Variants in CTNNA3 observed in about 807,000 individuals in gnomAD.
CTNNA3 encodes the protein catenin alpha 3, also known as catenin alpha-3.
CTNNA3 carries 76 observed loss-of-function variants against 95.7 expected under a neutral mutation model. The observed-to-expected ratio is 0.79, with a 90% CI of 0.66 to 0.96. CTNNA3 has a LOEUF of 0.96. Among genes scored for constraint, CTNNA3 ranks in the 40% least tolerant of loss-of-function variants. The pLI is 0.00. For missense variants in CTNNA3, 1,191 were observed against 1,089.8 expected (o/e 1.09, Z -1.31); for synonymous variants, 431 against 374.4 (o/e 1.15, Z -1.74).
chr10:66,575,783 G>C (rs144963295), intron 10 of CTNNA3, among the ~76,000 whole-genome samples: 1 of 152,026 alleles, frequency 6.6e-6, no homozygotes, highest in African/African-American at 2.4e-5. Flanking sequence ...CAACATAACC[G>C]GTACATGGTT....
intron 7 of CTNNA3, among the ~76,000 whole-genome samples, chr10:66,947,111 A>C (rs1244743671): frequency 6.6e-6 from 1 of 152,066 alleles, no homozygotes; most frequent in Non-Finnish European, 1.5e-5. Context: ...TCAACTTAGA[A>C]AGCCAGCCCT....
At chr10:66,072,272 C>T (rs1011874552) in intron 14 of CTNNA3, among the ~76,000 whole-genome samples, 1 of 152,190 alleles carries the variant, frequency 6.6e-6, no homozygotes, top group Non-Finnish European at 1.5e-5. Context: ...TGTACAAAAG[C>T]AGGCAGCAGG....
intron 7 of CTNNA3, among the ~76,000 whole-genome samples, chr10:67,175,886 T>C (rs1287334995): frequency 1.3e-5 from 2 of 152,132 alleles, no homozygotes; most frequent in South Asian, 2.1e-4. Context: ...TAAAAATAAT[T>C]GATTTCCTGA....
chr10:67,472,188 A>T (rs1234935571), intron 5 of CTNNA3, among the ~76,000 whole-genome samples: 3 of 152,232 alleles, frequency 2.0e-5, no homozygotes, highest in African/African-American at 7.2e-5. Context: ...ACAGCAGCCT[A>T]CACTCCAGCC....
chr10:66,201,951 G>T (rs550966033), intron 13 of CTNNA3, among the ~76,000 whole-genome samples: 1 of 151,822 alleles, frequency 6.6e-6, no homozygotes, highest in African/African-American at 2.4e-5. Context: ...ACCATGCCTG[G>T]CTAACTTGTA....
In CTNNA3 at chr10:66,880,768, C is replaced by A. The variant is rs1844818427; in HGVS notation, c.1048-105244G>T. Among the ~76,000 whole-genome samples the A allele has an allele frequency of 2.0e-5, 3 of 151,976 alleles. No individual in the cohort carries two copies. In the South Asian group the frequency reaches 6.2e-4, roughly 32 times the overall value. On this transcript the variant is annotated intron_variant, in intron 7 of 17. Transcript: ENST00000433211. ...AAGTCTTTGACAAAATTCAGAATTT[C>A]TTTTGCTCATAGCAAATGGCAGCCG...
chr10:66,173,538 C>A (rs1222102559), intron 13 of CTNNA3, among the ~76,000 whole-genome samples: 1 of 151,820 alleles, frequency 6.6e-6, no homozygotes, highest in Non-Finnish European at 1.5e-5. Context: ...AAAAAATTAG[C>A]CAGGCATGGT....
rs1404682914 is a variant in CTNNA3, at chr10:67,219,626, C to A, written c.824G>T (p.Ser275Ile). The change falls in exon 6 of 18, where the codon AGT (serine) becomes ATT (isoleucine). Residue 275 changes from serine (S) to isoleucine (I), a missense_variant. Transcript: ENST00000433211. ...ACTTACCTCCAGCTCATCAAGGGCA[C>A]TTCCCAGGGTTGCTGCCTGAGGTTC... Reference protein sequence around the residue: ...PPEPQAATLGSALDELENLIV... With the variant: ...PPEPQAATLGIALDELENLIV... 6.2e-7 allele frequency: 1 copy of A among 1,613,140 alleles called. No individual in the cohort carries two copies. The highest frequency in any genetic ancestry group is 8.5e-7 in the Non-Finnish European group (1 of 1,179,410).
chr10:67,381,775 A>G (rs1398628770), intron 5 of CTNNA3, among the ~76,000 whole-genome samples: 5 of 152,222 alleles, frequency 3.3e-5, no homozygotes, highest in Non-Finnish European at 5.9e-5. Flanking sequence ...AGTTCTTTCT[A>G]GAATTGAAAA....
intron 7 of CTNNA3, among the ~76,000 whole-genome samples, chr10:67,017,629 G>A (rs1852736482): frequency 6.6e-6 from 1 of 152,060 alleles, no homozygotes. Context: ...TAGTTCTAAT[G>A]TTTGGAAGTG....
intron 7 of CTNNA3, among the ~76,000 whole-genome samples, chr10:67,151,995 T>C (rs776835683): frequency 3.9e-5 from 6 of 152,234 alleles, no homozygotes; most frequent in East Asian, 1.9e-4. Flanking sequence ...TAGTTGACAA[T>C]TGTTGTTTTC....
intron 7 of CTNNA3, among the ~76,000 whole-genome samples, chr10:66,867,365 T>C (rs142904154): frequency 6.6e-6 from 1 of 152,186 alleles, no homozygotes; most frequent in African/African-American, 2.4e-5. Context: ...TCACAGAAAG[T>C]TATTAATTGA....
chr10:66,958,470 T>TCA, intron 7 of CTNNA3, among the ~76,000 whole-genome samples: 1 of 149,702 alleles, frequency 6.7e-6, no homozygotes, highest in Admixed American at 6.6e-5. Context: ...CTTTTTTTTT[T>TCA]AAAAAAAATA....
Position 66,940,064 on chromosome 10 carries a change from G to GT in CTNNA3, c.1048-164541dup, listed in dbSNP as rs1418907292. ...GAGGAACAGTAAAATAAGTAGTTAG[G>GT]TTTTGTGTTTGTTTTTGCTTTCAGT... On this transcript the variant is annotated intron_variant, in intron 7 of 17. Coordinates refer to ENST00000433211, the MANE Select transcript of CTNNA3 (RefSeq NM_013266.4). Among the ~76,000 whole-genome samples the GT allele has an allele frequency of 1.6e-4, 24 of 152,098 alleles. 1 individual carries two copies. The highest frequency in any genetic ancestry group is 5.9e-4 in the Admixed American group (9 of 15,276).
At chr10:66,409,649 C>T (rs2093086802) in intron 11 of CTNNA3, among the ~76,000 whole-genome samples, 1 of 152,220 alleles carries the variant, frequency 6.6e-6, no homozygotes, top group African/African-American at 2.4e-5. Flanking sequence ...GAGACCATAA[C>T]TATACAATAG....
chr10:66,935,182 A>G (rs778966299), intron 7 of CTNNA3, among the ~76,000 whole-genome samples: 19 of 152,168 alleles, frequency 1.2e-4, no homozygotes, highest in Admixed American at 3.3e-4. Flanking sequence ...GCAGTCAACC[A>G]GAATCTCACA....
At chr10:66,188,257 G>A (rs1366917321) in intron 13 of CTNNA3, among the ~76,000 whole-genome samples, 1 of 151,994 alleles carries the variant, frequency 6.6e-6, no homozygotes, top group African/African-American at 2.4e-5. Flanking sequence ...ACCATCAAGT[G>A]TACTAGCATA....
At chr10:66,595,040 A>C (rs1843666756) in intron 10 of CTNNA3, among the ~76,000 whole-genome samples, 1 of 152,044 alleles carries the variant, frequency 6.6e-6, no homozygotes, top group Admixed American at 6.6e-5. Flanking sequence ...GGAACTGGAG[A>C]TCCCAGCCCT....
intron 17 of CTNNA3, among the ~76,000 whole-genome samples, chr10:65,959,319 T>C (rs1208669888): frequency 6.6e-6 from 1 of 152,172 alleles, no homozygotes; most frequent in African/African-American, 2.4e-5. Context: ...GGAAAGGGAA[T>C]TCCCCGACCC....
Sources: allele counts gnomAD v4.1 joint callset (sites outside exome capture counted in the v4.1 genomes callset), GRCh38; gene constraint gnomAD v4.1.1; transcripts MANE v1.5; gene names NCBI Gene and HGNC (gene_info 2026-07-23, HGNC 2026-07-21).